Variants in ADCY5 observed in about 807,000 individuals in gnomAD.
The protein encoded by ADCY5 is adenylate cyclase type 5.
ADCY5 carries 30 observed loss-of-function variants against 119.7 expected under a neutral mutation model. The ratio of observed to expected loss-of-function variants is 0.25; its 90% CI spans 0.19 to 0.34. ADCY5 has a LOEUF of 0.34. ADCY5 is among the 10% of genes least tolerant of loss of function. ADCY5 has a pLI of 1.00. For synonymous variants in ADCY5, 753 were observed against 762.2 expected, an observed-to-expected ratio of 0.99 and a Z score of 0.20; for missense variants, 1,324 against 1,775.2, an observed-to-expected ratio of 0.75 and a Z score of 4.57.
At chr3:123,361,581 T>C (rs1943251450) in intron 1 of ADCY5, among the ~76,000 whole-genome samples, 1 of 133,398 alleles carries the variant, frequency 7.5e-6, no homozygotes, top group Admixed American at 8.9e-5. Flanking sequence ...AAGTGAACAA[T>C]AGGTGGCCTC....
intron 3 of ADCY5, among the ~76,000 whole-genome samples, chr3:123,333,697 G>A (rs77675215): frequency 0.023 from 3,441 of 152,328 alleles, 140 homozygotes; most frequent in African/African-American, 0.079. Context: ...AGGCCTGCCC[G>A]TTTGACCTCT....
chr3:123,304,169 TGGGGAGGGGAAGAGCTAGGGTGG>T lies in ADCY5; in HGVS notation c.2443-9_2456del. ...CGATCTTCCTGGAGAGGGTCTGCAGTGGGGAGGGGAAGAGCTAGGGTGGGGGCAGGGGTGGAGAGGGAGGGAGG... is the reference window on the plus strand; with the variant it reads ...CGATCTTCCTGGAGAGGGTCTGCAGTGGGCAGGGGTGGAGAGGGAGGGAGG... On this transcript the variant is annotated splice_acceptor_variant and splice_polypyrimidine_tract_variant and coding_sequence_variant and intron_variant, in exon 13 of 21. Transcript: ENST00000462833. LOFTEE classifies it high-confidence loss of function. 1.0e-6 allele frequency: 1 copy of T among 988,140 alleles called. No individual in the cohort carries two copies. Among genetic ancestry groups the T allele is most frequent in the Non-Finnish European group, 1.3e-6 (1 of 765,746 alleles). The allele number at this position is 988,140 out of a possible 1,614,324, so 61.2% of individuals were successfully genotyped here.
chr3:123,344,741 T>C (rs1306092098), intron 3 of ADCY5, among the ~76,000 whole-genome samples: 1 of 152,128 alleles, frequency 6.6e-6, no homozygotes, highest in Non-Finnish European at 1.5e-5. Context: ...AGCCAAAAGT[T>C]CAACCCCAAA....
At chr3:123,374,026 T>C (rs1943737761) in intron 1 of ADCY5, among the ~76,000 whole-genome samples, 1 of 152,106 alleles carries the variant, frequency 6.6e-6, no homozygotes, top group Non-Finnish European at 1.5e-5. Flanking sequence ...TAAGCACTCA[T>C]GGTTAAGGTA....
intron 3 of ADCY5, among the ~76,000 whole-genome samples, chr3:123,339,071 T>C (rs531202615): frequency 6.6e-6 from 1 of 151,630 alleles, no homozygotes; most frequent in East Asian, 1.9e-4. Flanking sequence ...GGGAAGGGAG[T>C]ATGGCAAGGT....
intron 1 of ADCY5, among the ~76,000 whole-genome samples, chr3:123,405,169 G>T (rs975071943): frequency 6.6e-6 from 1 of 152,208 alleles, no homozygotes; most frequent in Non-Finnish European, 1.5e-5. Context: ...AGCGAAGGCC[G>T]GCGAGGCCAA....
intron 7 of ADCY5, among the ~76,000 whole-genome samples, chr3:123,326,097 T>C (rs1180862502): frequency 6.6e-6 from 1 of 152,214 alleles, no homozygotes; most frequent in East Asian, 1.9e-4. Context: ...AGAGGAGACC[T>C]GGGATCACAA....
intron 1 of ADCY5, among the ~76,000 whole-genome samples, chr3:123,378,765 C>T (rs1943928522): frequency 6.6e-6 from 1 of 152,224 alleles, no homozygotes; most frequent in Non-Finnish European, 1.5e-5. Context: ...GTCCTGTCCC[C>T]AGCTCCGACT....
intron 1 of ADCY5, among the ~76,000 whole-genome samples, chr3:123,362,416 A>G (rs75668887): frequency 6.6e-6 from 1 of 152,246 alleles, no homozygotes; most frequent in Admixed American, 6.5e-5. Context: ...GCAAATAGCA[A>G]CAATTACAAG....
intron 12 of ADCY5, among the ~76,000 whole-genome samples, chr3:123,312,085 C>T (rs1189887808): frequency 6.6e-6 from 1 of 152,266 alleles, no homozygotes; most frequent in Non-Finnish European, 1.5e-5. Context: ...TGGGCCCATC[C>T]TTCCCCTCCT....
intron 1 of ADCY5, among the ~76,000 whole-genome samples, chr3:123,446,248 T>C (rs1405418751): frequency 1.3e-5 from 2 of 152,080 alleles, no homozygotes; most frequent in Admixed American, 1.3e-4. Context: ...TCAAGAAAGA[T>C]GCGGTACTCA....
chr3:123,310,671 T>A, intron 12 of ADCY5, among the ~76,000 whole-genome samples: 1 of 151,910 alleles, frequency 6.6e-6, no homozygotes. Context: ...GGGAAGGAGG[T>A]TGGGTTCGTG....
chr3:123,361,668 T>C (rs1576623584), intron 1 of ADCY5, among the ~76,000 whole-genome samples: 1 of 152,200 alleles, frequency 6.6e-6, no homozygotes. Context: ...GAATCCTTTA[T>C]CCGAAATGCT....
chr3:123,332,022 C>G (rs1941788214), intron 4 of ADCY5, among the ~76,000 whole-genome samples: 1 of 152,164 alleles, frequency 6.6e-6, no homozygotes, highest in Non-Finnish European at 1.5e-5. Flanking sequence ...TGAATAGGGG[C>G]CTAAGGAATG....
In ADCY5 at chr3:123,289,773, A is replaced by T; in HGVS notation, c.3509T>A (p.Phe1170Tyr). 6.2e-7 allele frequency: 1 copy of T among 1,614,030 alleles called. No homozygotes were observed. Among genetic ancestry groups the T allele is most frequent in the Non-Finnish European group, 8.5e-7 (1 of 1,180,024 alleles). Residue 1170 changes from phenylalanine to tyrosine, a missense_variant, in exon 19 of 21, where the codon TTC (phenylalanine) becomes TAC (tyrosine). By Grantham distance (22) the Phe-to-Tyr change is conservative (BLOSUM62 3). Transcript: ENST00000462833. Reference sequence around the variant, plus strand: ...ACCGATCTTCATCTGGAAGTTGTTGAAGGAGTGCTCATTGATGTACTTCAT... The same window carrying T: ...ACCGATCTTCATCTGGAAGTTGTTGTAGGAGTGCTCATTGATGTACTTCAT... The part of the protein sequence containing the change: ...DQMKYINEHS[F>Y]NNFQMKIGLN...
In ADCY5 at chr3:123,448,667, G is replaced by A. The variant is rs1945876191; in HGVS notation, c.-122C>T. 4 of 919,308 alleles carry A rather than the reference G, an allele frequency of 4.4e-6. No individual in the cohort carries two copies. Among genetic ancestry groups the A allele is most frequent in the Non-Finnish European group, 5.7e-6 (4 of 701,840 alleles). 56.9% of individuals were successfully genotyped at this position (919,308 alleles called of 1,614,324 possible). A position where few individuals can be genotyped will look rare whatever the true frequency, so the allele number is the denominator to read the frequency against. ...AGGGTCACACGTCGGGGGCGGCCCG[G>A]GGCCCTGCGCTGCAGCGGGGCATCT... On this transcript the variant is annotated 5_prime_UTR_variant, in exon 1 of 21. Coordinates refer to ENST00000462833, the MANE Select transcript of ADCY5 (RefSeq NM_183357.3).
intron 1 of ADCY5, among the ~76,000 whole-genome samples, chr3:123,393,387 A>G (rs570933876): frequency 8.6e-5 from 13 of 151,752 alleles, no homozygotes; most frequent in African/African-American, 3.2e-4. Flanking sequence ...CTCTGATTCC[A>G]TAAAAAAAAA....
chr3:123,383,970 A>G (rs74753389), intron 1 of ADCY5, among the ~76,000 whole-genome samples: 26,544 of 109,728 alleles, frequency 0.24, 2,673 homozygotes, highest in Middle Eastern at 0.37. Flanking sequence ...GCGCGCGCGC[A>G]CACACACACA....
intron 14 of ADCY5, 43 bp downstream of exon 14, chr3:123,303,012 G>A (rs764870798): frequency 1.2e-6 from 2 of 1,602,010 alleles, no homozygotes; most frequent in Non-Finnish European, 1.7e-6. Context: ...GGGAGGGCAA[G>A]GGACTCTTCA....
Sources: allele counts gnomAD v4.1 joint callset (sites outside exome capture counted in the v4.1 genomes callset), GRCh38; gene constraint gnomAD v4.1.1; transcripts MANE v1.5; gene names NCBI Gene and HGNC (gene_info 2026-07-23, HGNC 2026-07-21).